VCAN: variants seen among roughly 807,000 people sequenced by gnomAD.
VCAN encodes the protein versican core protein.
Under a neutral mutation model 245.5 loss-of-function variants are expected in VCAN, and 44 were observed. The ratio of observed to expected loss-of-function variants is 0.18; its 90% CI spans 0.14 to 0.23. The LOEUF (loss-of-function observed/expected upper bound fraction) is 0.23. VCAN is among the 10% of genes least tolerant of loss of function. The probability of loss-of-function intolerance (pLI) is 1.00; values close to 1 mark genes in which losing one functional copy is unlikely to be tolerated. For synonymous variants in VCAN, 1,413 were observed against 1,437.0 expected (o/e 0.98, Z 0.38); for missense variants, 3,793 against 4,057.9 (o/e 0.93, Z 1.77).
intron 7 of VCAN, among the ~76,000 whole-genome samples, chr5:83,526,170 C>T (rs372973959): frequency 1.3e-5 from 2 of 152,138 alleles, no homozygotes; most frequent in African/African-American, 2.4e-5. Context: ...GAACTCCTGA[C>T]CTCATGATCC....
chr5:83,576,386 A>T (rs564825498), intron 13 of VCAN, among the ~76,000 whole-genome samples: 1 of 152,014 alleles, frequency 6.6e-6, no homozygotes, highest in Non-Finnish European at 1.5e-5. Flanking sequence ...ATTCATGTTG[A>T]TGCATGTAAT....
intron 12 of VCAN, among the ~76,000 whole-genome samples, chr5:83,565,391 G>GTA (rs1748035125): frequency 1.6e-4 from 1 of 6,070 alleles, no homozygotes; most frequent in Admixed American, 2.2e-3. Context: ...ATGTGTAAGG[G>GTA]TGTGTGTGTG....
At position 83,539,010 on chromosome 5, in the gene VCAN, G is replaced by A. The variant is rs1482969074; in HGVS notation, c.6007G>A (p.Glu2003Lys). The part of the protein sequence containing the change: ...MVSTSAFPWE[E>K]FTSSAEGSGE... ...CAGCACTTCAGCCTTCCCCTGGGAA[G>A]AGTTTACATCCTCAGCTGAGGGCTC... The change falls in exon 8 of 15, where the codon GAG becomes AAG. Residue 2003 changes from glutamate to lysine, a missense_variant. By Grantham distance (56) the Glu-to-Lys change is moderately conservative. Around this residue, in one of 5 missense-constraint regions of VCAN, gnomAD observed 3,182 missense variants for 3,250.3 expected, o/e 0.98. Transcript: ENST00000265077. 1 of 1,613,906 alleles carries A rather than the reference G, an allele frequency of 6.2e-7. No individual in the cohort carries two copies. Among genetic ancestry groups the A allele is most frequent in the African/African-American group, 1.3e-5 (1 of 74,928 alleles).
At position 83,520,154 on chromosome 5, in the gene VCAN, A is replaced by T; in HGVS notation, c.1848A>T (p.Gly616=). 1.2e-6 allele frequency: 2 copies of T among 1,614,060 alleles called. No individual in the cohort carries two copies. The highest frequency in any genetic ancestry group is 2.2e-5 in the South Asian group (2 of 91,078). The change falls in exon 7 of 15, where the codon GGA becomes GGT. Residue 616 remains glycine (G), a synonymous_variant. Coordinates refer to ENST00000265077, the MANE Select transcript of VCAN (RefSeq NM_004385.5). ...VSPLIMPDNN[G]SSMDDWEERQ... ...CTTTAATTATGCCTGATAATAATGG[A>T]TCATCCATGGATGACTGGGAAGAGA...
intron 1 of VCAN, among the ~76,000 whole-genome samples, chr5:83,478,027 C>T (rs1056457236): frequency 1.3e-5 from 2 of 151,058 alleles, no homozygotes; most frequent in African/African-American, 4.9e-5. Flanking sequence ...ACTGCAACCT[C>T]CGCCTTCCAG....
intron 1 of VCAN, among the ~76,000 whole-genome samples, chr5:83,473,055 G>T (rs1048309873): frequency 1.3e-5 from 2 of 152,118 alleles, no homozygotes; most frequent in Admixed American, 6.5e-5. Flanking sequence ...CTAGTTCTCC[G>T]CTCTAGTTGA....
chr5:83,549,740 C>A (rs1213188116), intron 10 of VCAN, among the ~76,000 whole-genome samples: 1 of 152,118 alleles, frequency 6.6e-6, no homozygotes, highest in Non-Finnish European at 1.5e-5. Flanking sequence ...TATTTTCAAG[C>A]AAGTTTGATT....
In VCAN at chr5:83,540,511, C is replaced by T. The variant is rs1457765669; in HGVS notation, c.7508C>T (p.Thr2503Ile). 3.7e-6 allele frequency: 6 copies of T among 1,613,852 alleles called. No homozygotes were observed. The South Asian group carries it at 6.6e-5, about 18-fold the overall frequency. ...SEQNKSSPDP[T>I]STLSNTVSYE... is the part of the protein sequence containing the mutation. ...CAGAACAAAAGCTCCCCTGATCCAACTAGCACACTGTCAAATACAGTGTCA... is the reference window on the plus strand; with the variant it reads ...CAGAACAAAAGCTCCCCTGATCCAATTAGCACACTGTCAAATACAGTGTCA... Residue 2503 changes from threonine (T) to isoleucine (I), a missense_variant, in exon 8 of 15, where the codon ACT becomes ATT. Physicochemically the swap from Thr to Ile is moderately conservative, Grantham distance 89. This residue lies in a region of VCAN where 3,182 missense variants were observed against 3,250.3 expected (regional missense o/e 0.98). Transcript: ENST00000265077.
At chr5:83,511,069 G>A (rs527489350) in intron 5 of VCAN, among the ~76,000 whole-genome samples, 34 of 151,794 alleles carry the variant, frequency 2.2e-4, no homozygotes, top group South Asian at 1.3e-3. Context: ...AGCCCAGATC[G>A]TGCCACTGCA....
chr5:83,514,955 A>C (rs564646542), intron 6 of VCAN, among the ~76,000 whole-genome samples: 205 of 152,188 alleles, frequency 1.3e-3, no homozygotes, highest in African/African-American at 4.8e-3. Context: ...ATATAACCAT[A>C]TTTTTCTTGT....
At chr5:83,577,936 G>T (rs981246680) in intron 13 of VCAN, among the ~76,000 whole-genome samples, 10 of 152,040 alleles carry the variant, frequency 6.6e-5, no homozygotes, top group African/African-American at 1.9e-4. Context: ...AGTTTTAGAA[G>T]AAATCTATAC....
chr5:83,532,161 C>T (rs1338590414), intron 7 of VCAN, among the ~76,000 whole-genome samples: 1 of 152,082 alleles, frequency 6.6e-6, no homozygotes, highest in Non-Finnish European at 1.5e-5. Context: ...GGTGTACCCC[C>T]CAACCCCCTT....
rs778282193 is a variant in VCAN, at chr5:83,539,086, G to T, written c.6083G>T (p.Ser2028Ile). Residue 2028 changes from serine to isoleucine, a missense_variant, in exon 8 of 15, where the codon AGT (serine) becomes ATT (isoleucine). Ser to Ile is a moderately radical substitution (Grantham distance 142). Coordinates refer to ENST00000265077, the MANE Select transcript of VCAN (RefSeq NM_004385.5). ...AGCTCTGTTGTTCCAGTGCTTCCCA[G>T]TGCTGTGCAAAAGTTTTCTGGTACA... ...VSSSVVPVLP[S>I]AVQKFSGTAS... 6.2e-7 allele frequency: 1 copy of T among 1,613,998 alleles called. No homozygotes were observed. The highest frequency in any genetic ancestry group is 8.5e-7 in the Non-Finnish European group (1 of 1,179,964).
chr5:83,568,480 A>T (rs1748166238), intron 12 of VCAN, among the ~76,000 whole-genome samples: 2 of 152,178 alleles, frequency 1.3e-5, no homozygotes, highest in Admixed American at 1.3e-4. Context: ...CAAAACAATT[A>T]AATCTTTTAA....
intron 7 of VCAN, among the ~76,000 whole-genome samples, chr5:83,526,527 A>G (rs1746308434): frequency 6.6e-6 from 1 of 152,202 alleles, no homozygotes; most frequent in South Asian, 2.1e-4. Flanking sequence ...TTTTAAAATA[A>G]CATGTACCTC....
chr5:83,472,530 T>C (rs1744232925), intron 1 of VCAN, among the ~76,000 whole-genome samples: 1 of 152,104 alleles, frequency 6.6e-6, no homozygotes, highest in Admixed American at 6.5e-5. Context: ...CAGTGCCTGG[T>C]GTTCCTGGAA....
intron 8 of VCAN, among the ~76,000 whole-genome samples, chr5:83,543,130 T>G (rs1336485340): frequency 1.3e-5 from 2 of 152,206 alleles, no homozygotes; most frequent in African/African-American, 2.4e-5. Flanking sequence ...GGTTTCAGTA[T>G]AGTATAAAAA....
At chr5:83,523,670 C>CA (rs1491537858) in intron 7 of VCAN, among the ~76,000 whole-genome samples, 1 of 152,078 alleles carries the variant, frequency 6.6e-6, no homozygotes, top group Non-Finnish European at 1.5e-5. Flanking sequence ...AGAACACACC[C>CA]ACAGAGTATT....
chr5:83,538,658 G>C lies in VCAN; in HGVS notation c.5655G>C (p.Leu1885=), dbSNP rs1561255437. 1.2e-6 allele frequency: 2 copies of C among 1,614,068 alleles called. No homozygotes were observed. The highest frequency in any genetic ancestry group is 3.3e-5 in the Admixed American group (2 of 60,010). The stretch of plus-strand genomic sequence containing the variant: ...CATTCTCCACTGAGCCAACAGGACT[G>C]GTTTTGAGTACAGTAATGGACAGAG... ...ETTFSTEPTG[L]VLSTVMDRVV... is the part of the protein sequence containing the mutation. The change falls in exon 8 of 15, where the codon CTG becomes CTC. Residue 1885 remains leucine (L), a synonymous_variant. Coordinates refer to ENST00000265077, the MANE Select transcript of VCAN (RefSeq NM_004385.5).
Sources: allele counts gnomAD v4.1 joint callset (sites outside exome capture counted in the v4.1 genomes callset), GRCh38; gene constraint gnomAD v4.1.1; regional missense constraint gnomAD v4.1.1; transcripts MANE v1.5; gene names NCBI Gene and HGNC (gene_info 2026-07-23, HGNC 2026-07-21).